Variants in FRMPD4 observed in about 807,000 individuals in gnomAD.
FRMPD4 encodes the protein FERM and PDZ domain containing 4, also known as FERM and PDZ domain-containing protein 4.
Under a neutral mutation model 94.1 loss-of-function variants are expected in FRMPD4, and 22 were observed. The observed-to-expected ratio is 0.23, with a 90% CI of 0.17 to 0.33. The LOEUF (loss-of-function observed/expected upper bound fraction) is 0.33, where lower values mean the gene tolerates loss of function less well. Ranked by LOEUF, FRMPD4 falls within the 10% of genes least tolerant of loss-of-function variation. FRMPD4 has a pLI of 1.00. For missense variants in FRMPD4, 1,111 were observed against 1,339.9 expected (o/e 0.83, Z 2.67); for synonymous variants, 631 against 548.6 (o/e 1.15, Z -2.10).
At chrX:12,457,795 T>C (rs766423685) in intron 1 of FRMPD4, among the ~76,000 whole-genome samples, 1 of 112,179 alleles carries the variant, frequency 8.9e-6, no homozygotes, top group South Asian at 3.7e-4. Context: ...CGCTACAAAA[T>C]GCTTTACCAT....
At chrX:12,241,950 G>GGGA (rs57148678) in intron 1 of FRMPD4, among the ~76,000 whole-genome samples, 18,076 of 100,735 alleles carry the variant, frequency 0.18, 1,675 homozygotes, top group East Asian at 0.51. Flanking sequence ...GAAGGGGAAG[G>GGGA]GGAGGAGGAG....
At chrX:12,322,076 C>G (rs1569230759) in intron 1 of FRMPD4, among the ~76,000 whole-genome samples, 1 of 111,633 alleles carries the variant, frequency 9.0e-6, no homozygotes, top group African/African-American at 3.3e-5. Flanking sequence ...TGCTAGCAAA[C>G]TTGCCCATCT....
intron 3 of FRMPD4, among the ~76,000 whole-genome samples, chrX:12,022,061 C>T (rs918547595): frequency 1.8e-5 from 2 of 112,277 alleles, no homozygotes; most frequent in African/African-American, 6.5e-5. Context: ...GGAAAATCCC[C>T]AGGATCCCCT....
chrX:12,380,350 T>C (rs2056301670), intron 1 of FRMPD4, among the ~76,000 whole-genome samples: 1 of 112,171 alleles, frequency 8.9e-6, no homozygotes. Flanking sequence ...TTTAGAAAAG[T>C]GCAAGCTCAA....
At chrX:11,850,333 C>G (rs143037525) in intron 1 of FRMPD4, among the ~76,000 whole-genome samples, 24 of 112,492 alleles carry the variant, frequency 2.1e-4, no homozygotes, top group African/African-American at 7.7e-4. Context: ...AGTTGGAATT[C>G]TTTTGCACTG....
intron 1 of FRMPD4, among the ~76,000 whole-genome samples, chrX:12,152,055 A>C (rs750242671): frequency 3.6e-5 from 4 of 112,050 alleles, no homozygotes; most frequent in African/African-American, 9.7e-5. Flanking sequence ...AGCATTTGTC[A>C]CAGGAGTTAA....
At chrX:12,070,627 TATAA>T (rs1171674965) in intron 3 of FRMPD4, among the ~76,000 whole-genome samples, 1 of 111,878 alleles carries the variant, frequency 8.9e-6, no homozygotes, top group Non-Finnish European at 1.9e-5. Flanking sequence ...AAGTGAACCA[TATAA>T]ATAAAGGCCA....
At chrX:12,312,239 CTTTTTTTTTTTTTTTTTTT>C (rs200625685) in intron 1 of FRMPD4, among the ~76,000 whole-genome samples, 1 of 61,544 alleles carries the variant, frequency 1.6e-5, no homozygotes, top group Non-Finnish European at 3.0e-5. Flanking sequence ...TGCTCCATTA[CTTTTTTTTTTTTTTTTTTT>C]TTTTTTTTTT....
chrX:12,579,612 G>T (rs2058845125), intron 2 of FRMPD4, among the ~76,000 whole-genome samples: 1 of 111,665 alleles, frequency 9.0e-6, no homozygotes, highest in Non-Finnish European at 1.9e-5. Context: ...CCATTGTAAA[G>T]TAGTAATGCT....
At chrX:12,074,258 A>G (rs915874923) in intron 3 of FRMPD4, among the ~76,000 whole-genome samples, 14 of 111,968 alleles carry the variant, frequency 1.3e-4, no homozygotes, top group Admixed American at 1.0e-3. Flanking sequence ...CACTACTGCT[A>G]TAACTCCAAC....
chrX:12,533,194 T>C (rs187929109), intron 2 of FRMPD4, among the ~76,000 whole-genome samples: 99 of 111,523 alleles, frequency 8.9e-4, no homozygotes, highest in African/African-American at 3.1e-3. Flanking sequence ...TGAGACCTGA[T>C]GGTTTTATAA....
At chrX:12,651,379 AT>A (rs2059594429) in intron 4 of FRMPD4, among the ~76,000 whole-genome samples, 1 of 107,730 alleles carries the variant, frequency 9.3e-6, no homozygotes, top group African/African-American at 3.4e-5. Flanking sequence ...AGGAAAAATA[AT>A]AAAAAGAACT....
intron 1 of FRMPD4, among the ~76,000 whole-genome samples, chrX:11,856,169 G>A (rs1037108948): frequency 4.5e-5 from 5 of 111,053 alleles, no homozygotes; most frequent in Non-Finnish European, 9.4e-5. Flanking sequence ...ACAGAATGGG[G>A]GAAACCACCC....
rs370685444 is a variant in FRMPD4, at chrX:12,718,272, G to A, written c.3446G>A (p.Arg1149His). The change falls in exon 16 of 17, where the codon CGC becomes CAC. Residue 1149 changes from arginine to histidine, a missense_variant. Physicochemically the swap from Arg to His is conservative, Grantham distance 29. Coordinates refer to ENST00000675598, the MANE Select transcript of FRMPD4 (RefSeq NM_001368397.1). ...SDGSGLGQGD[R>H]FLTDVTCASS... ...GGCTCAGGACTTGGTCAAGGGGACC[G>A]CTTCTTAACTGACGTGACCTGTGCA... The A allele has an allele frequency of 2.5e-5, 30 of 1,209,801 alleles. No individual in the cohort carries two copies. Among genetic ancestry groups the A allele is most frequent in the African/African-American group, 1.0e-4 (6 of 57,191 alleles).
rs1431133710 is a variant in FRMPD4, at chrX:12,690,305, T to G, written c.792T>G (p.His264Gln). 3 of 1,208,175 alleles carry G rather than the reference T, an allele frequency of 2.5e-6. No homozygotes were observed. The highest frequency in any genetic ancestry group is 3.4e-6 in the Non-Finnish European group (3 of 893,600). Residue 264 changes from histidine to glutamine, a missense_variant, in exon 8 of 17, where the codon CAT becomes CAG. Transcript: ENST00000675598. ...EGAGTKLLLL[H>Q]EQETLTQVTQ... is the part of the protein sequence containing the mutation. ...CTGGAACGAAGCTGCTCTTGCTTCA[T>G]GAACAGGAGACTCTAACTCAGGTCT...
At chrX:12,042,442 T>C (rs1326609484) in intron 3 of FRMPD4, among the ~76,000 whole-genome samples, 3 of 111,382 alleles carry the variant, frequency 2.7e-5, no homozygotes, top group African/African-American at 9.8e-5. Flanking sequence ...TCGTTCAATT[T>C]TTTTCCTAAT....
At chrX:12,689,827 G>T (rs1230381868) in intron 7 of FRMPD4, among the ~76,000 whole-genome samples, 1 of 112,755 alleles carries the variant, frequency 8.9e-6, no homozygotes, top group Non-Finnish European at 1.9e-5. Context: ...TTCAGAACTG[G>T]TTTAATTGCT....
chrX:12,176,805 T>TCA (rs1350124007), intron 1 of FRMPD4, among the ~76,000 whole-genome samples: 1 of 112,168 alleles, frequency 8.9e-6, no homozygotes, highest in Non-Finnish European at 1.9e-5. Flanking sequence ...CTTTGAAAAG[T>TCA]CTAGTATTAG....
At chrX:12,548,402 A>AACTT (rs984644646) in intron 2 of FRMPD4, among the ~76,000 whole-genome samples, 6 of 112,411 alleles carry the variant, frequency 5.3e-5, no homozygotes, top group African/African-American at 1.9e-4. Flanking sequence ...GCAGCATGGT[A>AACTT]ACTTACTGCT....
Sources: allele counts gnomAD v4.1 joint callset (sites outside exome capture counted in the v4.1 genomes callset), GRCh38; gene constraint gnomAD v4.1.1; transcripts MANE v1.5; gene names NCBI Gene and HGNC (gene_info 2026-07-23, HGNC 2026-07-21).